DPP6: variants seen among roughly 807,000 people sequenced by gnomAD.
The protein encoded by DPP6 is dipeptidyl peptidase like 6.
A neutral mutation model predicts 122.6 loss-of-function variants in DPP6; 69 were observed. The ratio of observed to expected loss-of-function variants is 0.56; its 90% CI spans 0.46 to 0.69. The LOEUF (loss-of-function observed/expected upper bound fraction) is 0.69, where lower values mean the gene tolerates loss of function less well. DPP6 is among the 30% of genes least tolerant of loss of function. DPP6 has a pLI of 0.00. For missense variants in DPP6, 928 were observed against 1,116.9 expected, an observed-to-expected ratio of 0.83 and a Z score of 2.41; for synonymous variants, 418 against 433.1, an observed-to-expected ratio of 0.97 and a Z score of 0.43.
chr7:154,574,807 T>TG (rs1831414692), intron 5 of DPP6, among the ~76,000 whole-genome samples: 1 of 112,348 alleles, frequency 8.9e-6, no homozygotes, highest in Non-Finnish European at 1.8e-5. Flanking sequence ...TGTGTTTGTG[T>TG]GTGTGATGTG....
intron 1 of DPP6, among the ~76,000 whole-genome samples, chr7:153,897,165 G>A (rs958159715): frequency 5.3e-5 from 8 of 152,190 alleles, no homozygotes; most frequent in Non-Finnish European, 7.3e-5. Context: ...GGTTGAAAGA[G>A]CTAAGATTTT....
At chr7:154,632,726 T>C (rs1835481138) in intron 5 of DPP6, among the ~76,000 whole-genome samples, 1 of 151,014 alleles carries the variant, frequency 6.6e-6, no homozygotes, top group African/African-American at 2.5e-5. Flanking sequence ...GGGAGGAGGA[T>C]GTAAAGGGAG....
chr7:154,744,005 A>T (rs893720402), intron 8 of DPP6, among the ~76,000 whole-genome samples: 2 of 152,148 alleles, frequency 1.3e-5, no homozygotes, highest in East Asian at 3.9e-4. Context: ...TGGGATGGTG[A>T]CAAGCGGCCC....
chr7:154,058,244 G>A (rs546582849), intron 1 of DPP6: 1 of 149,892 alleles, frequency 6.7e-6, no homozygotes, highest in East Asian at 2.0e-4. Context: ...CGCAGGGGGG[G>A]AGGCACCCCT....
At chr7:154,453,674 C>T (rs745818858) in intron 2 of DPP6, among the ~76,000 whole-genome samples, 2 of 152,002 alleles carry the variant, frequency 1.3e-5, no homozygotes, top group African/African-American at 2.4e-5. Flanking sequence ...AGCCAGCATC[C>T]GGAAAGCCCC....
chr7:154,693,074 G>C (rs1328741313), intron 7 of DPP6, among the ~76,000 whole-genome samples: 6 of 151,514 alleles, frequency 4.0e-5, no homozygotes, highest in Non-Finnish European at 5.9e-5. Flanking sequence ...TTACAGGTGT[G>C]AGCCACTGGG....
At chr7:154,146,555 C>T (rs1796091977) in intron 1 of DPP6, among the ~76,000 whole-genome samples, 1 of 152,252 alleles carries the variant, frequency 6.6e-6, no homozygotes. Flanking sequence ...ACTGCCCCTT[C>T]TCCAGCAGGT....
intron 9 of DPP6, among the ~76,000 whole-genome samples, chr7:154,771,876 T>A (rs902995228): frequency 1.3e-5 from 2 of 152,228 alleles, no homozygotes; most frequent in Non-Finnish European, 2.9e-5. Flanking sequence ...TGTATGGGAC[T>A]GATGCTAGTT....
At chr7:154,212,202 T>C (rs1021248977) in intron 1 of DPP6, among the ~76,000 whole-genome samples, 1 of 152,302 alleles carries the variant, frequency 6.6e-6, no homozygotes, top group East Asian at 1.9e-4. Context: ...GTGAGTCTTA[T>C]CATATTCCTA....
intron 5 of DPP6, among the ~76,000 whole-genome samples, chr7:154,615,821 A>G (rs770788591): frequency 1.3e-5 from 2 of 152,118 alleles, no homozygotes; most frequent in East Asian, 3.9e-4. Flanking sequence ...AACCATCACC[A>G]CTATCTATAC....
the DPP6 span, among the ~76,000 whole-genome samples, chr7:153,758,466 T>C: frequency 7.9e-5 from 12 of 152,058 alleles, no homozygotes; most frequent in Admixed American, 3.9e-4. Context: ...AATGAGCATA[T>C]GTGCCATTCC....
intron 1 of DPP6, among the ~76,000 whole-genome samples, chr7:154,384,036 G>GAGCAGC (rs1045202933): frequency 6.6e-6 from 1 of 152,070 alleles, no homozygotes; most frequent in Admixed American, 6.5e-5. Flanking sequence ...CTTGCTCAGG[G>GAGCAGC]AGCAGCTGCT....
At chr7:153,900,996 A>G (rs559378170) in intron 1 of DPP6, among the ~76,000 whole-genome samples, 47 of 152,240 alleles carry the variant, frequency 3.1e-4, no homozygotes, top group African/African-American at 1.1e-3. Context: ...GTATTTTCAT[A>G]CTTTTTAAAG....
At chr7:154,820,640 G>A (rs1014500477) in intron 16 of DPP6, among the ~76,000 whole-genome samples, 4 of 152,114 alleles carry the variant, frequency 2.6e-5, no homozygotes, top group South Asian at 4.1e-4. Flanking sequence ...GCTTCCCAGA[G>A]GACCCAAGAA....
At chr7:154,710,933 A>G (rs1292731191) in intron 7 of DPP6, among the ~76,000 whole-genome samples, 2 of 152,236 alleles carry the variant, frequency 1.3e-5, no homozygotes, top group Non-Finnish European at 1.5e-5. Context: ...CCTATAAATT[A>G]TGTTCTATAT....
the DPP6 span, among the ~76,000 whole-genome samples, chr7:153,845,776 A>C: frequency 6.6e-6 from 1 of 152,166 alleles, no homozygotes; most frequent in African/African-American, 2.4e-5. Flanking sequence ...TATTTAATGT[A>C]ATAAGTTAAA....
chr7:153,846,778 C>T, the DPP6 span, among the ~76,000 whole-genome samples: 96 of 150,552 alleles, frequency 6.4e-4, no homozygotes, highest in African/African-American at 2.0e-3. Flanking sequence ...CTGCAAGCTC[C>T]GCCTCCTGGG....
At chr7:153,986,759 A>C (rs1015244830) in intron 1 of DPP6, among the ~76,000 whole-genome samples, 2 of 152,180 alleles carry the variant, frequency 1.3e-5, no homozygotes, top group African/African-American at 4.8e-5. Context: ...AAATTTCAGC[A>C]AGAAATACTG....
chr7:153,920,563 C>CTTTTTTTTTTTTTTTTTTTTT (rs61553100), intron 1 of DPP6, among the ~76,000 whole-genome samples: 1 of 88,690 alleles, frequency 1.1e-5, no homozygotes, highest in African/African-American at 4.6e-5. Context: ...TTATCTCTCT[C>CTTTTTTTTTTTTTTTTTTTTT]TTTTTTTTTT....
Sources: allele counts gnomAD v4.1 joint callset (sites outside exome capture counted in the v4.1 genomes callset), GRCh38; gene constraint gnomAD v4.1.1; transcripts MANE v1.5; gene names NCBI Gene and HGNC (gene_info 2026-07-23, HGNC 2026-07-21).